EDEM1: variants seen among roughly 807,000 people sequenced by gnomAD.
EDEM1 encodes the protein ER degradation enhancing alpha-mannosidase like protein 1, also known as ER degradation-enhancing alpha-mannosidase-like protein 1.
A neutral mutation model predicts 74.4 loss-of-function variants in EDEM1; 67 were observed. The observed-to-expected ratio is 0.90, with a 90% CI of 0.74 to 1.10. EDEM1 has a LOEUF of 1.10. Ranked by LOEUF, EDEM1 falls within the 50% of genes least tolerant of loss-of-function variation. The pLI is 0.00. For synonymous variants in EDEM1, 382 were observed against 335.9 expected (o/e 1.14, Z -1.50); for missense variants, 926 against 851.6 (o/e 1.09, Z -1.09).
Position 5,187,791 on chromosome 3 carries a change from G to C in EDEM1, c.-15G>C, listed in dbSNP as rs745447513. 9 of 1,544,282 alleles carry C rather than the reference G, an allele frequency of 5.8e-6. No homozygotes were observed. The highest frequency in any genetic ancestry group is 1.9e-5 in the Admixed American group (1 of 52,654). On this transcript the variant is annotated 5_prime_UTR_variant, in exon 1 of 12. Coordinates refer to ENST00000256497, the MANE Select transcript of EDEM1 (RefSeq NM_014674.3). ...CCCCGCGCTTTAAAATAATGCCCGC[G>C]GCGCCCGCGCGACCATGCAATGGCG...
intron 11 of EDEM1, among the ~76,000 whole-genome samples, chr3:5,214,329 G>T (rs1040475138): frequency 1.3e-5 from 2 of 152,224 alleles, no homozygotes; most frequent in Non-Finnish European, 2.9e-5. Context: ...CAGATGGGTT[G>T]CCTTGGCATT....
intron 6 of EDEM1, among the ~76,000 whole-genome samples, chr3:5,206,162 G>A (rs183073704): frequency 6.6e-6 from 1 of 151,090 alleles, no homozygotes; most frequent in Admixed American, 6.6e-5. Flanking sequence ...AGAGCCATTT[G>A]AAGCTACAGT....
rs776533370 is a variant in EDEM1, at chr3:5,203,152, G to T, written c.1042+3G>T. ...GAGCAATGATACAGGATTACTAGGT[G>T]TGGCACCTTTCCTCGCCATTGGGAC... is the stretch of plus-strand genomic sequence containing the variant. On this transcript the variant is annotated splice_donor_region_variant and intron_variant, in intron 5 of 11. Transcript: ENST00000256497. 1 of 1,558,312 alleles carries T rather than the reference G, an allele frequency of 6.4e-7. No homozygotes were observed. Among genetic ancestry groups the T allele is most frequent in the South Asian group, 1.2e-5 (1 of 81,966 alleles).
At position 5,218,097 on chromosome 3, in the gene EDEM1, A is replaced by G. The variant is rs2055263862; in HGVS notation, c.*2179A>G. The G allele has an allele frequency of 1.3e-5, 2 of 152,176 alleles. No homozygotes were observed. The highest frequency in any genetic ancestry group is 4.1e-4 in the South Asian group (2 of 4,820). The allele number at this position is 152,176 out of a possible 1,614,324, so 9.4% of individuals were successfully genotyped here. On this transcript the variant is annotated 3_prime_UTR_variant, in exon 12 of 12. Transcript: ENST00000256497. ...GGGAATAGGGATCTCATGCTTGCAA[A>G]CTACACAATGCTGCAGGTGCTTCCC... is the stretch of plus-strand genomic sequence containing the variant.
At position 5,218,445 on chromosome 3, in the gene EDEM1, A is replaced by G. The variant is rs461077; in HGVS notation, c.*2527A>G. 1 of 151,706 alleles carries G rather than the reference A, an allele frequency of 6.6e-6. No individual in the cohort carries two copies. Among genetic ancestry groups the G allele is most frequent in the East Asian group, 1.9e-4 (1 of 5,138 alleles). The allele number at this position is 151,706 out of a possible 1,614,324, so 9.4% of individuals were successfully genotyped here. On this transcript the variant is annotated 3_prime_UTR_variant, in exon 12 of 12. Transcript: ENST00000256497. Reference sequence around the variant, plus strand: ...TTTCTTCTGTTCTGTGTTCTGAAATACTGGGTAGAGAATGGCTGAGGAGGA... The same window carrying G: ...TTTCTTCTGTTCTGTGTTCTGAAATGCTGGGTAGAGAATGGCTGAGGAGGA...
chr3:5,204,904 A>G (rs578018449), intron 5 of EDEM1, among the ~76,000 whole-genome samples, 163 bp from the exon 6 acceptor site: 1 of 152,316 alleles, frequency 6.6e-6, no homozygotes, highest in South Asian at 2.1e-4. Context: ...TAAGTTAGTG[A>G]TAAGACTGAT....
At position 5,187,797 on chromosome 3, in the gene EDEM1, C is replaced by A; in HGVS notation, c.-9C>A. 1 of 1,549,772 alleles carries A rather than the reference C, an allele frequency of 6.5e-7. No individual in the cohort carries two copies. The highest frequency in any genetic ancestry group is 8.7e-7 in the Non-Finnish European group (1 of 1,147,070). Reference sequence around the variant, plus strand: ...GCTTTAAAATAATGCCCGCGGCGCCCGCGCGACCATGCAATGGCGAGCGCT... The same window carrying A: ...GCTTTAAAATAATGCCCGCGGCGCCAGCGCGACCATGCAATGGCGAGCGCT... On this transcript the variant is annotated 5_prime_UTR_variant, in exon 1 of 12. Coordinates refer to ENST00000256497, the MANE Select transcript of EDEM1 (RefSeq NM_014674.3).
At chr3:5,189,942 A>C (rs532586904) in intron 1 of EDEM1, among the ~76,000 whole-genome samples, 1 of 151,560 alleles carries the variant, frequency 6.6e-6, no homozygotes, top group African/African-American at 2.4e-5. Flanking sequence ...TATTTGGCTC[A>C]CTTAACTAGA....
intron 4 of EDEM1, among the ~76,000 whole-genome samples, chr3:5,202,659 C>T (rs1447117347): frequency 1.3e-5 from 2 of 152,182 alleles, no homozygotes; most frequent in East Asian, 3.8e-4. Flanking sequence ...GTCTCTAACC[C>T]TAAAGCCTGG....
rs2055287128 is a variant in EDEM1, at chr3:5,219,495, G to A, written c.*3577G>A. The A allele has an allele frequency of 6.6e-6, 1 of 152,260 alleles. No individual in the cohort carries two copies. The highest frequency in any genetic ancestry group is 2.1e-4 in the South Asian group (1 of 4,818). 9.4% of individuals were successfully genotyped at this position (152,260 alleles called of 1,614,324 possible). A position where few individuals can be genotyped will look rare whatever the true frequency, so the allele number is the denominator to read the frequency against. ...GGGCCCTGTGTCCCAGGTTTCACAG[G>A]GCTCAGGGTTATGCTCCCGCTTGAA... is the stretch of plus-strand genomic sequence containing the variant. On this transcript the variant is annotated 3_prime_UTR_variant, in exon 12 of 12. Transcript: ENST00000256497.
intron 8 of EDEM1, among the ~76,000 whole-genome samples, chr3:5,209,332 C>T (rs767450630): frequency 1.7e-4 from 26 of 152,132 alleles, no homozygotes; most frequent in African/African-American, 4.6e-4. Flanking sequence ...CGGAGGATGG[C>T]GTGCCGGTTA....
chr3:5,204,480 C>G (rs1013753447), intron 5 of EDEM1, among the ~76,000 whole-genome samples: 4 of 151,910 alleles, frequency 2.6e-5, no homozygotes, highest in Admixed American at 2.6e-4. Context: ...CTCAAGTGAT[C>G]CCTGGGATCA....
chr3:5,191,761 C>G (rs1001293463), intron 1 of EDEM1, among the ~76,000 whole-genome samples: 1 of 152,112 alleles, frequency 6.6e-6, no homozygotes, highest in African/African-American at 2.4e-5. Context: ...TGAATAAAAC[C>G]TGAACACTCT....
chr3:5,194,915 T>G (rs2054945562), intron 1 of EDEM1, among the ~76,000 whole-genome samples: 1 of 152,196 alleles, frequency 6.6e-6, no homozygotes, highest in African/African-American at 2.4e-5. Flanking sequence ...TTGTCTATGG[T>G]GATAAACCTG....
rs180687317 is a variant in EDEM1, at chr3:5,196,387, T to G, written c.582+1106T>G. Among the ~76,000 whole-genome samples, 208 of 151,666 alleles carry G rather than the reference T, an allele frequency of 1.4e-3. 1 individual carries two copies. The highest frequency in any genetic ancestry group is 4.9e-3 in the African/African-American group (203 of 41,322). The stretch of plus-strand genomic sequence containing the variant: ...CAGGAGAAATGCTTGAACCCAGGAG[T>G]CAGAGGTTGCAGTCAGCTGAGATTG... On this transcript the variant is annotated intron_variant, in intron 2 of 11. Coordinates refer to ENST00000256497, the MANE Select transcript of EDEM1 (RefSeq NM_014674.3).
rs543258694 is a variant in EDEM1, at chr3:5,188,138, G to C, written c.333G>C (p.Pro111=). The part of the protein sequence containing the change: ...GYVLGGRGRG[P]DEYEKRYSGA... ...TGCTGGGCGGCCGGGGCCGCGGCCC[G>C]GACGAGTACGAGAAGCGCTACAGCG... The change falls in exon 1 of 12, where the codon CCG becomes CCC. Residue 111 remains proline (P), a synonymous_variant. Transcript: ENST00000256497. 3 of 1,532,770 alleles carry C rather than the reference G, an allele frequency of 2.0e-6. No homozygotes were observed. The African/African-American group carries it at 4.2e-5, about 22-fold the overall frequency. 94.9% of individuals were successfully genotyped at this position (1,532,770 alleles called of 1,614,324 possible). A position where few individuals can be genotyped will look rare whatever the true frequency, so the allele number is the denominator to read the frequency against.
At chr3:5,212,495 G>A (rs543527209) in intron 10 of EDEM1, among the ~76,000 whole-genome samples, 2 of 152,340 alleles carry the variant, frequency 1.3e-5, no homozygotes, top group Non-Finnish European at 2.9e-5. Context: ...TGACCCTGGA[G>A]GGTGTGCTAG....
intron 8 of EDEM1, among the ~76,000 whole-genome samples, chr3:5,209,162 C>T (rs1466868977): frequency 6.6e-6 from 1 of 152,034 alleles, no homozygotes; most frequent in Non-Finnish European, 1.5e-5. Context: ...AAATCCTTGC[C>T]GTTTGCTTCA....
chr3:5,215,491 T>C lies in EDEM1; in HGVS notation c.1885-338T>C, dbSNP rs550224894. 1.2e-3 allele frequency among the ~76,000 whole-genome samples: 180 copies of C among 152,360 alleles called. 1 individual carries two copies. The highest frequency in any genetic ancestry group is 4.0e-3 in the African/African-American group (166 of 41,590). ...AGCAGTTGCTGCGATGCCTTTTAGC[T>C]TCCCTGGATCTGCCATTTCTTTATA... On this transcript the variant is annotated intron_variant, in intron 11 of 11. Coordinates refer to ENST00000256497, the MANE Select transcript of EDEM1 (RefSeq NM_014674.3).
Sources: allele counts gnomAD v4.1 joint callset (sites outside exome capture counted in the v4.1 genomes callset), GRCh38; gene constraint gnomAD v4.1.1; transcripts MANE v1.5; gene names NCBI Gene and HGNC (gene_info 2026-07-23, HGNC 2026-07-21).